PREX1: variants seen among roughly 807,000 people sequenced by gnomAD.
PREX1 encodes phosphatidylinositol-3,4,5-trisphosphate dependent Rac exchange factor 1, also known as phosphatidylinositol 3,4,5-trisphosphate-dependent Rac exchanger 1 protein.
PREX1 carries 41 observed loss-of-function variants against 198.3 expected under a neutral mutation model. The ratio of observed to expected loss-of-function variants is 0.21; its 90% CI spans 0.16 to 0.27. The LOEUF is 0.27. PREX1 is among the 10% of genes least tolerant of loss of function. PREX1 has a pLI of 1.00. For synonymous variants in PREX1, 843 were observed against 887.2 expected, an observed-to-expected ratio of 0.95 and a Z score of 0.89; for missense variants, 1,620 against 2,200.7, an observed-to-expected ratio of 0.74 and a Z score of 5.28.
rs569141154 is a variant in PREX1 at position 48,653,364 on chromosome 20, G to A, written c.2343C>T (p.Ala781=). 5.3e-5 allele frequency: 86 copies of A among 1,612,168 alleles called. No individual in the cohort carries two copies. In the East Asian group the frequency reaches 1.4e-3, roughly 26 times the overall value. The change falls in exon 20 of 40, where the codon GCC becomes GCT. Residue 781 remains alanine, a synonymous_variant. Coordinates refer to ENST00000371941, the MANE Select transcript of PREX1 (RefSeq NM_020820.4). ...CCCCGGTTTCCAGTAAACTTACCAG[G>A]GCCTCTTCGCGCCGACTCCGGAATG... is the stretch of plus-strand genomic sequence containing the variant. ...FQAFRSRREE[A]LGLYQWIYHT...
Position 48,827,142 on chromosome 20 carries a change from G to A in PREX1, c.219+500C>T, listed in dbSNP as rs2090512438. Among the ~76,000 whole-genome samples the A allele has an allele frequency of 6.6e-6, 1 of 152,108 alleles. No homozygotes were observed. Among genetic ancestry groups the A allele is most frequent in the Non-Finnish European group, 1.5e-5 (1 of 68,020 alleles). ...CTGTGCATGGGGGATTCTACCCTGG[G>A]GTTCTGTCAATCCCCGCCCCTCCTC... is the stretch of plus-strand genomic sequence containing the variant. On this transcript the variant is annotated intron_variant, in intron 1 of 39. Coordinates refer to ENST00000371941, the MANE Select transcript of PREX1 (RefSeq NM_020820.4). The surrounding 1 kb of genome is among the most constrained non-coding windows in gnomAD (Gnocchi z 4.1).
At chr20:48,640,196 C>T (rs1383739675) in intron 29 of PREX1, among the ~76,000 whole-genome samples, 2 of 152,214 alleles carry the variant, frequency 1.3e-5, no homozygotes, top group African/African-American at 2.4e-5. Flanking sequence ...GCTTTCCTTT[C>T]GTCTAAGCCT....
intron 14 of PREX1, among the ~76,000 whole-genome samples, chr20:48,672,056 C>T (rs929860680): frequency 2.0e-5 from 3 of 152,332 alleles, no homozygotes; most frequent in Middle Eastern, 3.4e-3. Flanking sequence ...CACAACTCCT[C>T]GGCCAGCACT....
chr20:48,821,385 G>A (rs1052503141), intron 1 of PREX1, among the ~76,000 whole-genome samples: 1 of 152,144 alleles, frequency 6.6e-6, no homozygotes, highest in Non-Finnish European at 1.5e-5. Flanking sequence ...AAAACAAGGA[G>A]ATTCAGACCG....
chr20:48,695,718 T>C (rs2089841999), intron 7 of PREX1, among the ~76,000 whole-genome samples: 1 of 152,266 alleles, frequency 6.6e-6, no homozygotes, highest in African/African-American at 2.4e-5. Context: ...TTTTGTGAAA[T>C]GACTGTCCCT....
At chr20:48,884,511 C>T in the PREX1 span, among the ~76,000 whole-genome samples, 5 of 152,252 alleles carry the variant, frequency 3.3e-5, no homozygotes, top group East Asian at 7.7e-4. Context: ...CAAACAATAA[C>T]TAAAAGTGGA....
chr20:48,663,465 T>C (rs1321169789), intron 15 of PREX1, among the ~76,000 whole-genome samples: 1 of 151,380 alleles, frequency 6.6e-6, no homozygotes, highest in Non-Finnish European at 1.5e-5. Flanking sequence ...AGGCGGAGGT[T>C]GTGGTGAGCC....
the PREX1 span, among the ~76,000 whole-genome samples, chr20:48,835,291 C>T: frequency 6.6e-6 from 1 of 152,152 alleles, no homozygotes; most frequent in African/African-American, 2.4e-5. Flanking sequence ...GAAACCTCAC[C>T]GTGAATGCCT....
At chr20:48,717,526 A>G (rs1175337819) in intron 5 of PREX1, among the ~76,000 whole-genome samples, 1 of 152,072 alleles carries the variant, frequency 6.6e-6, no homozygotes, top group Non-Finnish European at 1.5e-5. Context: ...AAAGAAAACA[A>G]GAAGCGAAAA....
intron 31 of PREX1, 150 bp downstream of exon 31, chr20:48,637,561 A>T: frequency 1.3e-6 from 1 of 780,126 alleles, no homozygotes; most frequent in Non-Finnish European, 2.0e-6. Context: ...CTTGGACACA[A>T]GAGGAAGAAG....
intron 4 of PREX1, among the ~76,000 whole-genome samples, chr20:48,726,723 CT>C (rs1450559043): frequency 6.6e-6 from 1 of 152,184 alleles, no homozygotes; most frequent in Non-Finnish European, 1.5e-5. Flanking sequence ...ACTATCTGGC[CT>C]TTTACAGAAA....
intron 24 of PREX1, 97 bp from the exon 25 acceptor site, chr20:48,649,673 G>T: frequency 7.2e-7 from 1 of 1,379,732 alleles, no homozygotes. Context: ...GGATCCCAAT[G>T]AAGGAGAAAA....
At chr20:48,812,607 C>T (rs1257395646) in intron 1 of PREX1, among the ~76,000 whole-genome samples, 1 of 152,090 alleles carries the variant, frequency 6.6e-6, no homozygotes, top group Non-Finnish European at 1.5e-5. Flanking sequence ...GGAATGCTTA[C>T]TATGTACCTC....
chr20:48,650,795 G>C, intron 23 of PREX1, 99 bp downstream of exon 23: 2 of 1,426,134 alleles, frequency 1.4e-6, no homozygotes, highest in Non-Finnish European at 1.9e-6. Context: ...TGTTTCAGCT[G>C]AGTTGGGTTG....
chr20:48,868,944 A>AG, the PREX1 span, among the ~76,000 whole-genome samples: 2 of 151,972 alleles, frequency 1.3e-5, no homozygotes, highest in Non-Finnish European at 2.9e-5. Flanking sequence ...TGGCACAAAC[A>AG]GAGCTCATTG....
chr20:48,681,439 T>C, intron 10 of PREX1, 104 bp from the exon 11 acceptor site: 1 of 1,101,714 alleles, frequency 9.1e-7, no homozygotes, highest in Non-Finnish European at 1.4e-6. Flanking sequence ...GAATGACAGC[T>C]AGAACTTCCC....
intron 1 of PREX1, among the ~76,000 whole-genome samples, chr20:48,749,775 T>C (rs1004908165): frequency 6.6e-6 from 1 of 152,206 alleles, no homozygotes; most frequent in Non-Finnish European, 1.5e-5. Flanking sequence ...AACCCATTTA[T>C]GCCTAGTGTT....
intron 6 of PREX1, among the ~76,000 whole-genome samples, chr20:48,707,628 T>C (rs2089909528): frequency 6.6e-6 from 1 of 152,228 alleles, no homozygotes; most frequent in Non-Finnish European, 1.5e-5. Flanking sequence ...TGATATGGAT[T>C]TTTTTCATTT....
In PREX1 at chr20:48,668,146, CGT is replaced by C. The variant is rs35147704; in HGVS notation, c.1666-1793_1666-1792del. Among the ~76,000 whole-genome samples, 86 of 151,338 alleles carry C rather than the reference CGT, an allele frequency of 5.7e-4. 1 individual carries two copies. The highest frequency in any genetic ancestry group is 2.0e-3 in the African/African-American group (82 of 41,344). On this transcript the variant is annotated intron_variant, in intron 14 of 39. Transcript: ENST00000371941. ...ATACGTCCCGGCCAAGTGTGTGACACGTGTGTGTGTGTGTGCGTGCATGCGCA... is the reference window on the plus strand; with the variant it reads ...ATACGTCCCGGCCAAGTGTGTGACACGTGTGTGTGTGTGCGTGCATGCGCA...
Sources: gnomAD v4.1 joint callset for allele counts (sites outside exome capture counted in the v4.1 genomes callset) on GRCh38, gnomAD v4.1.1 for gene constraint, Gnocchi (gnomAD v3.1) non-coding constraint, MANE v1.5 for transcripts, NCBI Gene and HGNC (gene_info 2026-07-23, HGNC 2026-07-21) for gene names.